The following CRPPA variants were observed in gnomAD, a reference collection of about 807,000 sequenced individuals.
CRPPA encodes CDP-L-ribitol pyrophosphorylase A.
Under a neutral mutation model 52.0 loss-of-function variants are expected in CRPPA, and 43 were observed. The observed-to-expected ratio is 0.83, with a 90% CI of 0.65 to 1.07. The LOEUF (loss-of-function observed/expected upper bound fraction) is 1.07, where lower values mean the gene tolerates loss of function less well. Ranked by LOEUF, CRPPA falls within the 50% of genes least tolerant of loss-of-function variation. The pLI is 0.00. For synonymous variants in CRPPA, 250 were observed against 203.5 expected, an observed-to-expected ratio of 1.23 and a Z score of -1.94; for missense variants, 629 against 551.7, an observed-to-expected ratio of 1.14 and a Z score of -1.40.
chr7:16,188,026 G>T (rs1227614113), intron 9 of CRPPA, among the ~76,000 whole-genome samples: 1 of 148,180 alleles, frequency 6.7e-6, no homozygotes, highest in Non-Finnish European at 1.5e-5. Context: ...AGGACAGTTT[G>T]TATGAATTTG....
intron 9 of CRPPA, among the ~76,000 whole-genome samples, chr7:16,145,666 A>G (rs1782961316): frequency 6.6e-6 from 1 of 151,754 alleles, no homozygotes; most frequent in African/African-American, 2.4e-5. Context: ...GAAACCTTGT[A>G]GCTGAAGAAT....
rs534783211 is a variant in CRPPA, at chr7:16,405,730, T to C, written c.534+331A>G. On this transcript the variant is annotated intron_variant, in intron 2 of 9. Coordinates refer to ENST00000407010, the MANE Select transcript of CRPPA (RefSeq NM_001101426.4). The stretch of plus-strand genomic sequence containing the variant: ...TGAGTACAATGGACCATATTATACA[T>C]ATCCTTTACTTCTGAGAGATTTCTC... 5.3e-5 allele frequency among the ~76,000 whole-genome samples: 8 copies of C among 152,300 alleles called. No homozygotes were observed. In the East Asian group the frequency reaches 1.5e-3, roughly 29 times the overall value.
chr7:16,207,559 C>G (rs532914559), intron 9 of CRPPA, among the ~76,000 whole-genome samples: 1 of 152,320 alleles, frequency 6.6e-6, no homozygotes, highest in African/African-American at 2.4e-5. Context: ...CTCCCTCACT[C>G]ACATATTATT....
chr7:16,343,385 G>A (rs1483338552), intron 3 of CRPPA, among the ~76,000 whole-genome samples: 1 of 151,974 alleles, frequency 6.6e-6, no homozygotes, highest in East Asian at 1.9e-4. Flanking sequence ...TTGAAAACTG[G>A]CATTGTACAA....
chr7:16,156,057 T>C (rs141218683), intron 9 of CRPPA, among the ~76,000 whole-genome samples: 263 of 147,482 alleles, frequency 1.8e-3, no homozygotes, highest in African/African-American at 6.2e-3. Flanking sequence ...TTTATATATA[T>C]ATTAAGCCAA....
intron 9 of CRPPA, among the ~76,000 whole-genome samples, chr7:16,142,196 T>C (rs1782886725): frequency 6.6e-6 from 1 of 152,156 alleles, no homozygotes; most frequent in South Asian, 2.1e-4. Context: ...AAAATAATTT[T>C]CTTCTTTTCT....
chr7:16,377,891 T>C (rs896518006), intron 2 of CRPPA, among the ~76,000 whole-genome samples: 12 of 152,218 alleles, frequency 7.9e-5, no homozygotes, highest in Middle Eastern at 3.4e-3. Context: ...TTTCACATAG[T>C]TCCCACCCAT....
chr7:16,112,501 A>G (rs1583363995), intron 9 of CRPPA, among the ~76,000 whole-genome samples: 3 of 152,322 alleles, frequency 2.0e-5, no homozygotes, highest in African/African-American at 7.2e-5. Context: ...AAAAAATTCA[A>G]TAACCTCCAG....
At chr7:16,317,250 C>T (rs1446426094) in intron 3 of CRPPA, among the ~76,000 whole-genome samples, 1 of 152,120 alleles carries the variant, frequency 6.6e-6, no homozygotes, top group Non-Finnish European at 1.5e-5. Flanking sequence ...GCTTCTTCCA[C>T]ATTGGGGAAT....
chr7:16,400,767 G>A (rs1398546935), intron 2 of CRPPA, among the ~76,000 whole-genome samples: 1 of 152,232 alleles, frequency 6.6e-6, no homozygotes, highest in Non-Finnish European at 1.5e-5. Context: ...TATGTGTGAT[G>A]GAAGACGTGG....
rs539144397 is a variant in CRPPA, at chr7:16,300,605, G to A, written c.835+816C>T. Among the ~76,000 whole-genome samples, 6 of 152,264 alleles carry A rather than the reference G, an allele frequency of 3.9e-5. No individual in the cohort carries two copies. The South Asian group carries it at 1.2e-3, about 32-fold the overall frequency. On this transcript the variant is annotated intron_variant, in intron 5 of 9. Coordinates refer to ENST00000407010, the MANE Select transcript of CRPPA (RefSeq NM_001101426.4). ...CTTTGACTGTCAAAACCAGGGGAAGGGGAGTGAGGGATGGGTACTTCCAGC... is the reference window on the plus strand; with the variant it reads ...CTTTGACTGTCAAAACCAGGGGAAGAGGAGTGAGGGATGGGTACTTCCAGC...
chr7:16,402,053 G>A (rs971885000), intron 2 of CRPPA, among the ~76,000 whole-genome samples: 1 of 152,032 alleles, frequency 6.6e-6, no homozygotes, highest in Non-Finnish European at 1.5e-5. Flanking sequence ...GACCTTGAGC[G>A]TGTGCTACTT....
At chr7:16,166,499 C>G (rs867195149) in intron 9 of CRPPA, among the ~76,000 whole-genome samples, 1 of 152,068 alleles carries the variant, frequency 6.6e-6, no homozygotes, top group African/African-American at 2.4e-5. Flanking sequence ...AGGCTAGTCT[C>G]GAACTCCTGA....
intron 3 of CRPPA, among the ~76,000 whole-genome samples, chr7:16,313,737 A>C (rs1456372748): frequency 2.0e-5 from 3 of 152,000 alleles, no homozygotes; most frequent in Non-Finnish European, 4.4e-5. Context: ...TTCGTTCAAA[A>C]TATAGTTCTG....
At position 16,413,304 on chromosome 7, in the gene CRPPA, AC is replaced by A. The variant is rs1788113571; in HGVS notation, c.258-6968del. On this transcript the variant is annotated intron_variant, in intron 1 of 9. Coordinates refer to ENST00000407010, the MANE Select transcript of CRPPA (RefSeq NM_001101426.4). Reference sequence around the variant, plus strand: ...GCCTCAGCCTACCTGCCTTAGACTTACCACTTATTTTGAAGGTGTTCCATGC... The same window carrying A: ...GCCTCAGCCTACCTGCCTTAGACTTACACTTATTTTGAAGGTGTTCCATGC... 2.0e-5 allele frequency among the ~76,000 whole-genome samples: 3 copies of A among 152,294 alleles called. No homozygotes were observed. In the South Asian group the frequency reaches 6.2e-4, roughly 32 times the overall value.
intron 9 of CRPPA, among the ~76,000 whole-genome samples, chr7:16,168,181 TG>T (rs1367266161): frequency 6.6e-6 from 1 of 152,186 alleles, no homozygotes; most frequent in Non-Finnish European, 1.5e-5. Context: ...AATACAAACA[TG>T]GGTCAATATT....
chr7:16,307,903 A>T (rs76167751), intron 4 of CRPPA, among the ~76,000 whole-genome samples: 4,205 of 109,054 alleles, frequency 0.039, 212 homozygotes, highest in African/African-American at 0.14. Flanking sequence ...AGCTTTAATC[A>T]AACTGAGTGA....
chr7:16,278,307 G>C, intron 5 of CRPPA, 81 bp from the exon 6 acceptor site: 1 of 700,646 alleles, frequency 1.4e-6, no homozygotes, highest in African/African-American at 1.8e-5. Flanking sequence ...AAACTTACCT[G>C]ATGTTCTTAG....
chr7:16,137,385 C>T lies in CRPPA; in HGVS notation c.1252-45586G>A, dbSNP rs189001501. 4.6e-5 allele frequency among the ~76,000 whole-genome samples: 7 copies of T among 151,854 alleles called. No homozygotes were observed. The East Asian group carries it at 7.7e-4, about 17-fold the overall frequency. Reference sequence around the variant, plus strand: ...ACCTAGTGTATAGCTTTCAACAGCCCGAAAAGACTAAGACACCTCAGGAAA... The same window carrying T: ...ACCTAGTGTATAGCTTTCAACAGCCTGAAAAGACTAAGACACCTCAGGAAA... On this transcript the variant is annotated intron_variant, in intron 9 of 9. Coordinates refer to ENST00000407010, the MANE Select transcript of CRPPA (RefSeq NM_001101426.4).
Sources: gnomAD v4.1 joint callset for allele counts (sites outside exome capture counted in the v4.1 genomes callset) on GRCh38, gnomAD v4.1.1 for gene constraint, MANE v1.5 for transcripts, NCBI Gene and HGNC (gene_info 2026-07-23, HGNC 2026-07-21) for gene names.